The following NPL variants were observed in gnomAD, a reference collection of about 807,000 sequenced individuals.
NPL encodes the protein N-acetylneuraminate lyase.
In NPL, 32 loss-of-function variants were observed where a neutral mutation model predicts 41.1. That is an observed-to-expected ratio of 0.78 (90% confidence interval 0.59 to 1.05). The LOEUF is 1.05. Among genes scored for constraint, NPL ranks in the 50% least tolerant of loss-of-function variants. The pLI, the probability that NPL is intolerant of heterozygous loss-of-function variation, is 0.00. For missense variants in NPL, 321 were observed against 378.4 expected (o/e 0.85, Z 1.26); for synonymous variants, 128 against 134.9 (o/e 0.95, Z 0.35).
intron 6 of NPL, among the ~76,000 whole-genome samples, chr1:182,812,445 A>T (rs1487870683): frequency 3.3e-5 from 5 of 152,140 alleles, no homozygotes; most frequent in Non-Finnish European, 7.4e-5. Flanking sequence ...CTCCAAGGAG[A>T]GTAAGGATGG....
In NPL at chr1:182,828,777, A is replaced by G. The variant is rs567491394; in HGVS notation, c.832A>G (p.Met278Val). 2.7e-5 allele frequency: 44 copies of G among 1,614,142 alleles called. 1 individual carries two copies. In the Admixed American group the frequency reaches 3.8e-4, roughly 14 times the overall value. Reference sequence around the variant, plus strand: ...CATGACTCTGGTCTCTGGGATTCCAATGGGCCCACCCCGGCTTCCACTGCA... The same window carrying G: ...CATGACTCTGGTCTCTGGGATTCCAGTGGGCCCACCCCGGCTTCCACTGCA... ...AIMTLVSGIP[M>V]GPPRLPLQKA... The change falls in exon 13 of 13, where the codon ATG becomes GTG. Residue 278 changes from methionine (M) to valine (V), a missense_variant. By Grantham distance (21) the Met-to-Val change is conservative. Transcript: ENST00000367553. The surrounding 1 kb of genome is among the most constrained non-coding windows in gnomAD (Gnocchi z 4.0).
At chr1:182,799,308 A>T (rs1475387273) in intron 3 of NPL, among the ~76,000 whole-genome samples, 1 of 152,224 alleles carries the variant, frequency 6.6e-6, no homozygotes, top group Non-Finnish European at 1.5e-5. Flanking sequence ...AGGAATTAGA[A>T]CAGACAATTA....
At chr1:182,816,942 TTTCTAAATG>T (rs1160543677) in intron 8 of NPL, 136 bp downstream of exon 8, 3 of 707,402 alleles carry the variant, frequency 4.2e-6, no homozygotes, top group Non-Finnish European at 7.6e-6. Flanking sequence ...GTTCCAGTTG[TTTCTAAATG>T]TCACTCTAAA....
chr1:182,807,091 G>T (rs1667036533), intron 5 of NPL, among the ~76,000 whole-genome samples: 1 of 152,148 alleles, frequency 6.6e-6, no homozygotes, highest in African/African-American at 2.4e-5. Context: ...ACCGGTCTTG[G>T]CCTCCCAAAG....
intron 10 of NPL, 91 bp from the exon 11 acceptor site, chr1:182,822,023 AT>A: frequency 2.3e-6 from 2 of 853,744 alleles, no homozygotes; most frequent in South Asian, 2.7e-5. Flanking sequence ...GACTAGGTGT[AT>A]TTTTTCCCTT....
At chr1:182,814,891 A>C in intron 7 of NPL, 33 bp downstream of exon 7, 25 of 1,499,394 alleles carry the variant, frequency 1.7e-5, no homozygotes, top group Non-Finnish European at 2.2e-5. Context: ...ATGGCATCTC[A>C]CATGGTCCAC....
At chr1:182,794,123 A>G (rs1666590525) in intron 2 of NPL, among the ~76,000 whole-genome samples, 1 of 152,180 alleles carries the variant, frequency 6.6e-6, no homozygotes, top group African/African-American at 2.4e-5. Context: ...TCATCTGTAT[A>G]GCTAAAATGG....
At chr1:182,799,975 A>G (rs1199973544) in intron 3 of NPL, among the ~76,000 whole-genome samples, 2 of 152,082 alleles carry the variant, frequency 1.3e-5, no homozygotes, top group East Asian at 1.9e-4. Flanking sequence ...ACTTCTGTCA[A>G]CTCACTTCTG....
Position 182,818,807 on chromosome 1 carries a change from G to T in NPL, c.607-6G>T, listed in dbSNP as rs1667409690. 6.2e-7 allele frequency: 1 copy of T among 1,614,018 alleles called. No homozygotes were observed. Among genetic ancestry groups the T allele is most frequent in the Non-Finnish European group, 8.5e-7 (1 of 1,179,980 alleles). On this transcript the variant is annotated splice_region_variant and splice_polypyrimidine_tract_variant and intron_variant, in intron 9 of 12. Coordinates refer to ENST00000367553, the MANE Select transcript of NPL (RefSeq NM_030769.3). Reference sequence around the variant, plus strand: ...ATACAAGTGAATATTTTTTGTTTCTGATTAGCAACTGTTGAGTGCTCTGGT... The same window carrying T: ...ATACAAGTGAATATTTTTTGTTTCTTATTAGCAACTGTTGAGTGCTCTGGT...
rs1239361364 is a variant in NPL, at chr1:182,806,117, C to G, written c.143-28C>G. The G allele has an allele frequency of 2.5e-6, 4 of 1,613,834 alleles. No individual in the cohort carries two copies. The African/African-American group carries it at 5.3e-5, about 22-fold the overall frequency. On this transcript the variant is annotated intron_variant, in intron 4 of 12. Coordinates refer to ENST00000367553, the MANE Select transcript of NPL (RefSeq NM_030769.3). ...TGGAGAAGCAGAGGTGCTCCTTGGT[C>G]CTGCTGACTTACTCTTTGTTTGAAC...
chr1:182,812,348 A>G, intron 6 of NPL, 135 bp downstream of exon 6: 2 of 775,940 alleles, frequency 2.6e-6, no homozygotes, highest in East Asian at 5.4e-5. Context: ...TCAGGGGCTT[A>G]CTGCATAGAA....
intron 12 of NPL, 50 bp downstream of exon 12, chr1:182,825,870 A>G: frequency 7.6e-7 from 1 of 1,318,432 alleles, no homozygotes; most frequent in South Asian, 1.2e-5. Context: ...ACTGTAAAGA[A>G]AATGGAATAC....
chr1:182,807,163 TAC>T (rs1491068239), intron 5 of NPL, among the ~76,000 whole-genome samples: 4 of 152,124 alleles, frequency 2.6e-5, no homozygotes, highest in Non-Finnish European at 5.9e-5. Flanking sequence ...ATTTGTCTGT[TAC>T]AGTGTTATAT....
chr1:182,823,861 C>A (rs1315026582), intron 11 of NPL, among the ~76,000 whole-genome samples: 2 of 152,224 alleles, frequency 1.3e-5, no homozygotes, highest in Non-Finnish European at 2.9e-5. Flanking sequence ...TTACCACTCT[C>A]TGTTTCAAAT....
intron 6 of NPL, 93 bp downstream of exon 6, chr1:182,812,306 A>G: frequency 9.3e-7 from 1 of 1,078,292 alleles, no homozygotes; most frequent in Non-Finnish European, 1.4e-6. Context: ...TATGTAGTAG[A>G]TGGTGTGCCT....
intron 3 of NPL, among the ~76,000 whole-genome samples, chr1:182,797,697 A>C (rs1265767501): frequency 1.3e-5 from 2 of 152,156 alleles, no homozygotes; most frequent in Non-Finnish European, 2.9e-5. Context: ...TGACCCTTCT[A>C]TAGCACCCTG....
chr1:182,828,578 T>C lies in NPL; in HGVS notation c.779-146T>C. ...GGGATTTCGAATGATTGCTCATCTG[T>C]CATATTGACTAGAAATGTTCCCATC... On this transcript the variant is annotated intron_variant, in intron 12 of 12. Coordinates refer to ENST00000367553, the MANE Select transcript of NPL (RefSeq NM_030769.3). The surrounding 1 kb of genome is among the most constrained non-coding windows in gnomAD (Gnocchi z 4.0). The C allele has an allele frequency of 9.9e-7, 1 of 1,011,412 alleles. No homozygotes were observed. The highest frequency in any genetic ancestry group is 1.5e-6 in the Non-Finnish European group (1 of 669,048). 62.7% of individuals were successfully genotyped at this position (1,011,412 alleles called of 1,614,324 possible).
rs561316768 is a variant in NPL, at chr1:182,812,704, G to A, written c.288+491G>A. Among the ~76,000 whole-genome samples the A allele has an allele frequency of 5.9e-5, 9 of 152,202 alleles. No individual in the cohort carries two copies. The South Asian group carries it at 6.2e-4, about 11-fold the overall frequency. On this transcript the variant is annotated intron_variant, in intron 6 of 12. Coordinates refer to ENST00000367553, the MANE Select transcript of NPL (RefSeq NM_030769.3). ...ATTTGTCATACCACCCTTCAGCACCGTTGTGGAATTTTTTTTTTCTGGGTA... is the reference window on the plus strand; with the variant it reads ...ATTTGTCATACCACCCTTCAGCACCATTGTGGAATTTTTTTTTTCTGGGTA...
At chr1:182,821,801 T>C (rs1048302424) in intron 10 of NPL, among the ~76,000 whole-genome samples, 5 of 152,216 alleles carry the variant, frequency 3.3e-5, no homozygotes, top group African/African-American at 4.8e-5. Flanking sequence ...TTGTCTAGCA[T>C]TGCACCTGTG....
Sources: gnomAD v4.1 joint callset for allele counts (sites outside exome capture counted in the v4.1 genomes callset) on GRCh38, gnomAD v4.1.1 for gene constraint, Gnocchi (gnomAD v3.1) non-coding constraint, MANE v1.5 for transcripts, NCBI Gene and HGNC (gene_info 2026-07-23, HGNC 2026-07-21) for gene names.